The following C2CD2 variants were observed in gnomAD, a reference collection of about 807,000 sequenced individuals.
C2CD2 encodes the protein C2 domain-containing protein 2.
C2CD2 carries 43 observed loss-of-function variants against 74.3 expected under a neutral mutation model. That is an observed-to-expected ratio of 0.58 (90% CI 0.45 to 0.75). The LOEUF (loss-of-function observed/expected upper bound fraction) is 0.75, where lower values mean the gene tolerates loss of function less well. C2CD2 is among the 30% of genes least tolerant of loss of function. The pLI is 0.00. For synonymous variants in C2CD2, 422 were observed against 390.7 expected, an observed-to-expected ratio of 1.08 and a Z score of -0.94; for missense variants, 801 against 916.3, an observed-to-expected ratio of 0.87 and a Z score of 1.63.
chr21:41,953,216 C>T (rs898786702), intron 1 of C2CD2, 154 bp downstream of exon 1: 2 of 434,220 alleles, frequency 4.6e-6, no homozygotes, highest in African/African-American at 2.0e-5. Flanking sequence ...CTCGCTCCCC[C>T]GTCTCTCTCC....
At chr21:41,904,066 C>T (rs1307963250) in intron 11 of C2CD2, among the ~76,000 whole-genome samples, 4 of 152,098 alleles carry the variant, frequency 2.6e-5, no homozygotes, top group Non-Finnish European at 5.9e-5. Flanking sequence ...AGGAGGTCGG[C>T]ACAAGACACA....
chr21:41,934,877 G>A (rs1057267895), intron 2 of C2CD2, among the ~76,000 whole-genome samples: 3 of 150,878 alleles, frequency 2.0e-5, no homozygotes, highest in Non-Finnish European at 4.4e-5. Flanking sequence ...TTGCTTGTTT[G>A]TTTGTCTGTT....
intron 11 of C2CD2, among the ~76,000 whole-genome samples, chr21:41,902,893 C>T (rs146136115): frequency 5.3e-5 from 8 of 152,188 alleles, no homozygotes; most frequent in Non-Finnish European, 7.4e-5. Context: ...CTAATGAGGA[C>T]GGGCACTGGA....
intron 2 of C2CD2, among the ~76,000 whole-genome samples, chr21:41,934,789 A>C (rs951174903): frequency 6.6e-6 from 1 of 152,096 alleles, no homozygotes; most frequent in Admixed American, 6.5e-5. Context: ...AGAGGAAGAG[A>C]AAGAACGGAG....
chr21:41,908,998 G>A (rs988632424), intron 8 of C2CD2, among the ~76,000 whole-genome samples: 14 of 152,022 alleles, frequency 9.2e-5, no homozygotes, highest in African/African-American at 3.1e-4. Context: ...GATGAAAAAA[G>A]CTCTGGAGAT....
intron 6 of C2CD2, among the ~76,000 whole-genome samples, chr21:41,913,090 C>A (rs997725212): frequency 5.3e-5 from 8 of 152,238 alleles, no homozygotes; most frequent in Non-Finnish European, 7.3e-5. Flanking sequence ...GGCATGGTCC[C>A]CACTTTTAGA....
rs1441140710 is a variant in C2CD2, at chr21:41,903,344, T to C, written c.1433-1595A>G. On this transcript the variant is annotated intron_variant, in intron 11 of 13. Transcript: ENST00000380486. This position sits in a 1 kb window ranked among gnomAD's most constrained non-coding sequence, Gnocchi z 4.5. ...CAAGTGGGACAAAAGTGTGGTAACC[T>C]GGGGACCCACTATTTGCACCTGACA... is the stretch of plus-strand genomic sequence containing the variant. Among the ~76,000 whole-genome samples, 2 of 152,144 alleles carry C rather than the reference T, an allele frequency of 1.3e-5. No individual in the cohort carries two copies. Among genetic ancestry groups the C allele is most frequent in the Non-Finnish European group, 2.9e-5 (2 of 68,018 alleles).
At chr21:41,907,584 G>A (rs2064977692) in intron 9 of C2CD2, 76 bp downstream of exon 9, 6 of 1,497,942 alleles carry the variant, frequency 4.0e-6, no homozygotes, top group Non-Finnish European at 4.5e-6. Context: ...GTGAGACTCT[G>A]CAGACATAAG....
Position 41,889,273 on chromosome 21 carries a change from G to A in C2CD2, c.1942C>T (p.Gln648Ter). The A allele has an allele frequency of 6.2e-7, 1 of 1,614,072 alleles. No individual in the cohort carries two copies. Among genetic ancestry groups the A allele is most frequent in the Non-Finnish European group, 8.5e-7 (1 of 1,179,982 alleles). The change falls in exon 14 of 14, where the codon CAG becomes TAG. Residue 648 changes from glutamine to a stop codon, truncating the protein, a stop_gained. Coordinates refer to ENST00000380486, the MANE Select transcript of C2CD2 (RefSeq NM_015500.2). LOFTEE classifies it low-confidence loss of function (END_TRUNC). ...AGGAACACAAGGTCATTGTGTGACT[G>A]ACTCATGCCTGGGTCTTTCTGTTGA... ...RHQQKDPGMSQSHNDLVFLEQ... is the reference protein window; with the variant it reads ...RHQQKDPGMS
intron 10 of C2CD2, 62 bp downstream of exon 10, chr21:41,906,930 G>T: frequency 7.5e-7 from 1 of 1,325,312 alleles, no homozygotes; most frequent in Non-Finnish European, 1.1e-6. Flanking sequence ...AGTTGTGGGG[G>T]CAAGGTGGTT....
chr21:41,901,377 A>G (rs760243347), intron 12 of C2CD2: 1 of 562,236 alleles, frequency 1.8e-6, no homozygotes, highest in Non-Finnish European at 3.2e-6. Context: ...ATGATTTGCC[A>G]ACCTCTCAAC....
chr21:41,931,549 A>G (rs1317893353), intron 2 of C2CD2, among the ~76,000 whole-genome samples: 2 of 149,192 alleles, frequency 1.3e-5, no homozygotes, highest in Non-Finnish European at 3.0e-5. Context: ...CAGCCTCCCA[A>G]GCAGCTGGGA....
intron 2 of C2CD2, among the ~76,000 whole-genome samples, chr21:41,938,316 CAAATT>C (rs1472630518): frequency 6.6e-6 from 1 of 152,098 alleles, no homozygotes; most frequent in Non-Finnish European, 1.5e-5. Flanking sequence ...GAAGGGTAAA[CAAATT>C]AAACAAAGCT....
Position 41,926,590 on chromosome 21 carries a change from T to C in C2CD2, c.379-4505A>G. The C allele has an allele frequency of 4.1e-6, 4 of 977,450 alleles. No homozygotes were observed. Among genetic ancestry groups the C allele is most frequent in the Non-Finnish European group, 3.6e-6 (3 of 822,708 alleles). 60.5% of individuals were successfully genotyped at this position (977,450 alleles called of 1,614,324 possible). A position where few individuals can be genotyped will look rare whatever the true frequency, so the allele number is the denominator to read the frequency against. ...CACATACCTATGCAAACAGCGCTTA[T>C]CTGGAAACTATTCCTTTGTTTAGAC... On this transcript the variant is annotated intron_variant, in intron 2 of 13. Transcript: ENST00000380486. This position sits in a 1 kb window ranked among gnomAD's most constrained non-coding sequence, Gnocchi z 8.0.
intron 2 of C2CD2, 78 bp from the exon 3 acceptor site, chr21:41,922,163 CT>C (rs955053390): frequency 0.1 from 62,252 of 624,094 alleles, no homozygotes; most frequent in East Asian, 0.18. Flanking sequence ...TCTTCTTCTT[CT>C]TTTTTTTTTT....
rs573747153 is a variant in C2CD2, at chr21:41,932,528, C to T, written c.378+9619G>A. 2.4e-4 allele frequency among the ~76,000 whole-genome samples: 36 copies of T among 150,540 alleles called. 2 individuals are homozygous for T. The South Asian group carries it at 6.8e-3, about 28-fold the overall frequency. ...CCGTCTTGCGGGACCTAGCCCTGGGCCTTTGGGATCTGTGTTAAGTCTGAG... is the reference window on the plus strand; with the variant it reads ...CCGTCTTGCGGGACCTAGCCCTGGGTCTTTGGGATCTGTGTTAAGTCTGAG... On this transcript the variant is annotated intron_variant, in intron 2 of 13. Coordinates refer to ENST00000380486, the MANE Select transcript of C2CD2 (RefSeq NM_015500.2).
chr21:41,900,649 G>A (rs1239360980), intron 12 of C2CD2, among the ~76,000 whole-genome samples: 1 of 152,204 alleles, frequency 6.6e-6, no homozygotes, highest in Non-Finnish European at 1.5e-5. Flanking sequence ...CCAAGGTCCT[G>A]TTCTGGCCTG....
chr21:41,917,321 C>CA (rs1367930545), intron 5 of C2CD2, among the ~76,000 whole-genome samples: 7 of 152,132 alleles, frequency 4.6e-5, no homozygotes, highest in Non-Finnish European at 8.8e-5. Context: ...CTGACTTCAC[C>CA]AAGAGCTAGA....
Position 41,887,693 on chromosome 21 carries a change from G to T in C2CD2, c.*1431C>A, listed in dbSNP as rs1272568794. ...TTTATATAGGTTTTTACTCACCAGT[G>T]GCTCTATTACCCCCGAAATATTTAA... On this transcript the variant is annotated 3_prime_UTR_variant, in exon 14 of 14. Transcript: ENST00000380486. The T allele has an allele frequency of 6.6e-6, 1 of 152,118 alleles. No homozygotes were observed. Among genetic ancestry groups the T allele is most frequent in the African/African-American group, 2.4e-5 (1 of 41,414 alleles). The allele number at this position is 152,118 out of a possible 1,614,324, so 9.4% of individuals were successfully genotyped here.
Sources: gnomAD v4.1 joint callset for allele counts (sites outside exome capture counted in the v4.1 genomes callset) on GRCh38, gnomAD v4.1.1 for gene constraint, Gnocchi (gnomAD v3.1) non-coding constraint, MANE v1.5 for transcripts, NCBI Gene and HGNC (gene_info 2026-07-23, HGNC 2026-07-21) for gene names.